PTPRN2: variants seen among roughly 807,000 people sequenced by gnomAD.
PTPRN2 encodes the protein protein tyrosine phosphatase receptor type N2, also known as receptor-type tyrosine-protein phosphatase N2.
A neutral mutation model predicts 118.8 loss-of-function variants in PTPRN2; 74 were observed. The observed-to-expected ratio is 0.62, with a 90% CI of 0.52 to 0.76. The LOEUF is 0.76. Ranked by LOEUF, PTPRN2 falls within the 30% of genes least tolerant of loss-of-function variation. The pLI, the probability that PTPRN2 is intolerant of heterozygous loss-of-function variation, is 0.00. For missense variants in PTPRN2, 1,481 were observed against 1,394.4 expected (o/e 1.06, Z -0.99); for synonymous variants, 641 against 608.0 (o/e 1.05, Z -0.80).
chr7:157,813,001 GC>G lies in PTPRN2; in HGVS notation c.1788+85671del, dbSNP rs2151121114. On this transcript the variant is annotated intron_variant, in intron 12 of 22. Coordinates refer to ENST00000389418, the MANE Select transcript of PTPRN2 (RefSeq NM_002847.5). The surrounding 1 kb of genome is among the most constrained non-coding windows in gnomAD (Gnocchi z 4.7). ...GCTCCCTAATTTCACCCGGACCACA[GC>G]CTCTGGATGAGCTTCTGTTAAAAAG... Among the ~76,000 whole-genome samples, 2 of 152,298 alleles carry G rather than the reference GC, an allele frequency of 1.3e-5. No homozygotes were observed. Among genetic ancestry groups the G allele is most frequent in the South Asian group, 4.1e-4 (2 of 4,820 alleles).
chr7:158,568,971 C>A (rs556392181), intron 1 of PTPRN2, among the ~76,000 whole-genome samples: 3 of 152,002 alleles, frequency 2.0e-5, no homozygotes, highest in Admixed American at 2.0e-4. Flanking sequence ...ACAAAAAATA[C>A]AAAAATTAAG....
At chr7:158,238,806 C>T (rs902044157) in intron 3 of PTPRN2, among the ~76,000 whole-genome samples, 1 of 152,140 alleles carries the variant, frequency 6.6e-6, no homozygotes, top group African/African-American at 2.4e-5. Flanking sequence ...GGAGGACTCC[C>T]CTGCAAGTCT....
At chr7:158,071,748 A>AGGAGGTGCTCGTGG (rs1563393267) in intron 11 of PTPRN2, among the ~76,000 whole-genome samples, 1 of 27,158 alleles carries the variant, frequency 3.7e-5, no homozygotes, top group African/African-American at 1.6e-4. Context: ...GGAGGTGCTC[A>AGGAGGTGCTCGTGG]TGGTGGAGGT....
chr7:157,958,387 G>A (rs1439747017), intron 11 of PTPRN2, among the ~76,000 whole-genome samples: 1 of 152,162 alleles, frequency 6.6e-6, no homozygotes, highest in African/African-American at 2.4e-5. Flanking sequence ...CAGTATTGGA[G>A]GTGCCAGCCA....
At chr7:158,152,550 A>C (rs1383584732) in intron 6 of PTPRN2, among the ~76,000 whole-genome samples, 1 of 152,086 alleles carries the variant, frequency 6.6e-6, no homozygotes, top group Non-Finnish European at 1.5e-5. Flanking sequence ...AATGATATAG[A>C]AGTGTGAAGG....
intron 5 of PTPRN2, among the ~76,000 whole-genome samples, chr7:158,173,236 T>C (rs1029435239): frequency 6.6e-5 from 10 of 152,196 alleles, no homozygotes; most frequent in African/African-American, 2.4e-4. Context: ...TCACTTCCTA[T>C]TGGGGGAACC....
At chr7:157,709,495 A>G (rs1798491874) in intron 12 of PTPRN2, among the ~76,000 whole-genome samples, 1 of 152,260 alleles carries the variant, frequency 6.6e-6, no homozygotes, top group East Asian at 1.9e-4. Flanking sequence ...TAGAGCACGA[A>G]GTGAGTGACA....
At chr7:158,470,412 C>T (rs559909279) in intron 2 of PTPRN2, among the ~76,000 whole-genome samples, 3 of 152,312 alleles carry the variant, frequency 2.0e-5, no homozygotes, top group South Asian at 4.1e-4. Flanking sequence ...CTCAACACAG[C>T]GCTGCCTTCT....
chr7:158,344,711 C>A (rs1807364522), intron 2 of PTPRN2, among the ~76,000 whole-genome samples: 1 of 151,736 alleles, frequency 6.6e-6, no homozygotes, highest in Admixed American at 6.6e-5. Context: ...CAAGCTCAGT[C>A]CTGACAGAAA....
intron 19 of PTPRN2, chr7:157,574,270 C>G: frequency 2.2e-6 from 1 of 446,180 alleles, no homozygotes; most frequent in Non-Finnish European, 5.0e-6. Flanking sequence ...AAAGCACCAG[C>G]AAGCAAGGTC....
intron 1 of PTPRN2, among the ~76,000 whole-genome samples, chr7:158,519,730 T>C (rs1823843904): frequency 6.6e-6 from 1 of 152,062 alleles, no homozygotes; most frequent in African/African-American, 2.4e-5. Flanking sequence ...TCCCATCATA[T>C]AAGGACTTTC....
intron 11 of PTPRN2, among the ~76,000 whole-genome samples, chr7:158,050,890 G>T (rs983465189): frequency 1.3e-5 from 2 of 152,246 alleles, no homozygotes; most frequent in Non-Finnish European, 2.9e-5. Flanking sequence ...GCTGCACTCA[G>T]GGATGCTTGC....
chr7:157,840,932 G>C (rs548001016), intron 12 of PTPRN2, among the ~76,000 whole-genome samples: 1 of 152,336 alleles, frequency 6.6e-6, no homozygotes, highest in East Asian at 1.9e-4. Context: ...GCGGGGGCTG[G>C]AGCCACCACC....
Position 158,278,449 on chromosome 7 carries a change from T to C in PTPRN2, c.277+38370A>G, listed in dbSNP as rs368054673. On this transcript the variant is annotated intron_variant, in intron 3 of 22. Coordinates refer to ENST00000389418, the MANE Select transcript of PTPRN2 (RefSeq NM_002847.5). ...GTGGGCGCCTGTAATCCCAGCTACG[T>C]GGGAGGCTGCAGCAGGAGAATTGCT... Among the ~76,000 whole-genome samples the C allele has an allele frequency of 4.6e-5, 7 of 150,966 alleles. No individual in the cohort carries two copies. The South Asian group carries it at 6.3e-4, about 14-fold the overall frequency.
intron 2 of PTPRN2, among the ~76,000 whole-genome samples, chr7:158,443,878 C>A (rs1245962976): frequency 6.6e-6 from 1 of 152,184 alleles, no homozygotes; most frequent in East Asian, 1.9e-4. Context: ...CCTGGGACGG[C>A]CAGGGGCAGA....
intron 12 of PTPRN2, among the ~76,000 whole-genome samples, chr7:157,895,597 C>T (rs1797064816): frequency 6.6e-6 from 1 of 152,054 alleles, no homozygotes; most frequent in African/African-American, 2.4e-5. Context: ...GAAAAGTACC[C>T]AGCATTTGAG....
chr7:157,775,310 C>G (rs2151035241), intron 12 of PTPRN2, among the ~76,000 whole-genome samples: 1 of 152,342 alleles, frequency 6.6e-6, no homozygotes, highest in East Asian at 1.9e-4. Context: ...AGTTTCCACC[C>G]AAATTCATGA....
At chr7:157,804,028 G>A (rs1805477834) in intron 12 of PTPRN2, among the ~76,000 whole-genome samples, 2 of 152,242 alleles carry the variant, frequency 1.3e-5, no homozygotes, top group Admixed American at 6.5e-5. Context: ...ATATGCAAGA[G>A]TAGATAATAT....
intron 3 of PTPRN2, among the ~76,000 whole-genome samples, chr7:158,278,481 G>A (rs532588986): frequency 1.2e-4 from 18 of 152,280 alleles, no homozygotes; most frequent in Non-Finnish European, 1.8e-4. Context: ...TGCTCGAACC[G>A]GTAGCAGTGA....
Sources: allele counts gnomAD v4.1 joint callset (sites outside exome capture counted in the v4.1 genomes callset), GRCh38; gene constraint gnomAD v4.1.1; non-coding constraint Gnocchi (gnomAD v3.1); transcripts MANE v1.5; gene names NCBI Gene and HGNC (gene_info 2026-07-23, HGNC 2026-07-21).